The following CNTN3 variants were observed in gnomAD, a reference collection of about 807,000 sequenced individuals.
CNTN3 encodes the protein contactin 3, also known as contactin-3.
Under a neutral mutation model 119.1 loss-of-function variants are expected in CNTN3, and 60 were observed. The ratio of observed to expected loss-of-function variants is 0.50; its 90% CI spans 0.41 to 0.62. CNTN3 has a LOEUF of 0.62. Among genes scored for constraint, CNTN3 ranks in the 20% least tolerant of loss-of-function variants. The pLI is 0.00. For missense variants in CNTN3, 1,101 were observed against 1,242.4 expected (o/e 0.89, Z 1.71); for synonymous variants, 450 against 438.7 (o/e 1.03, Z -0.32).
chr3:74,473,561 T>C (rs1559621165), intron 4 of CNTN3, among the ~76,000 whole-genome samples: 1 of 152,216 alleles, frequency 6.6e-6, no homozygotes, highest in East Asian at 1.9e-4. Context: ...ATTTCATTTA[T>C]TGAACAAATA....
At chr3:74,581,393 AC>A (rs773569901) in intron 1 of CNTN3, among the ~76,000 whole-genome samples, 2 of 152,218 alleles carry the variant, frequency 1.3e-5, no homozygotes, top group Non-Finnish European at 2.9e-5. Context: ...GCATATAAAA[AC>A]ATCACATAAC....
intron 11 of CNTN3, among the ~76,000 whole-genome samples, chr3:74,344,396 GGTTTTTTTTTTTTTTTTTTTTTTTTTT>G (rs1465504752): frequency 0.065 from 5,707 of 87,660 alleles, 960 homozygotes; most frequent in African/African-American, 0.15. Flanking sequence ...CTTACACAGT[GGTTTTTTTTTTTTTTTTTTTTTTTTTT>G]TTTTTTTTTT....
intron 1 of CNTN3, among the ~76,000 whole-genome samples, chr3:74,549,885 G>T (rs919783769): frequency 1.3e-5 from 2 of 152,170 alleles, no homozygotes; most frequent in African/African-American, 4.8e-5. Flanking sequence ...ACGCCCTCAG[G>T]GTCCTGGAAC....
chr3:74,424,896 G>T lies in CNTN3; in HGVS notation c.403C>A (p.Arg135Ser). 6.2e-7 allele frequency: 1 copy of T among 1,613,466 alleles called. No homozygotes were observed. The highest frequency in any genetic ancestry group is 1.1e-5 in the South Asian group (1 of 90,996). Residue 135 changes from arginine (R) to serine (S), a missense_variant, in exon 5 of 23, where the codon CGT becomes AGT. Physicochemically the swap from Arg to Ser is moderately radical, Grantham distance 110. Transcript: ENST00000263665. ...KTKMRSTVSV[R>S]EGQGVVLLCG... is the part of the protein sequence containing the mutation. Reference sequence around the variant, plus strand: ...AGCAGCACAACTCCCTGGCCTTCACGCACAGACACTGTACTCCTCATTTTG... The same window carrying T: ...AGCAGCACAACTCCCTGGCCTTCACTCACAGACACTGTACTCCTCATTTTG...
chr3:74,522,013 A>G (rs1703550271), intron 1 of CNTN3, among the ~76,000 whole-genome samples: 1 of 151,966 alleles, frequency 6.6e-6, no homozygotes, highest in Admixed American at 6.6e-5. Flanking sequence ...TCTCTGATTC[A>G]GCAGCTGCTA....
chr3:74,303,099 T>G (rs976164840), intron 13 of CNTN3, among the ~76,000 whole-genome samples: 5 of 152,208 alleles, frequency 3.3e-5, no homozygotes, highest in Admixed American at 3.3e-4. Context: ...TCAGAGTCTA[T>G]TTACTTGCAC....
intron 1 of CNTN3, among the ~76,000 whole-genome samples, chr3:74,521,425 A>G (rs1471347972): frequency 6.6e-6 from 1 of 151,014 alleles, no homozygotes; most frequent in Non-Finnish European, 1.5e-5. Context: ...ATGTTTACCA[A>G]TATTAAAATA....
intron 5 of CNTN3, among the ~76,000 whole-genome samples, chr3:74,374,850 T>C (rs1232529797): frequency 1.3e-5 from 2 of 152,142 alleles, no homozygotes; most frequent in African/African-American, 2.4e-5. Flanking sequence ...TCAGGCAAAT[T>C]AGGAGGTCTA....
chr3:74,577,191 T>C (rs907796476), intron 1 of CNTN3, among the ~76,000 whole-genome samples: 3 of 152,158 alleles, frequency 2.0e-5, no homozygotes, highest in Non-Finnish European at 2.9e-5. Context: ...GCCAAAGATG[T>C]TTTAGATGAA....
intron 3 of CNTN3, among the ~76,000 whole-genome samples, chr3:74,496,817 A>G (rs1341032709): frequency 1.3e-5 from 2 of 151,864 alleles, no homozygotes; most frequent in Non-Finnish European, 2.9e-5. Context: ...AAAATCCTCA[A>G]TTAAACCCTA....
intron 5 of CNTN3, among the ~76,000 whole-genome samples, chr3:74,376,597 T>C (rs1048372536): frequency 4.6e-5 from 7 of 152,096 alleles, no homozygotes; most frequent in African/African-American, 1.4e-4. Context: ...TTACAGTGAG[T>C]TGTATAATTA....
In CNTN3 at chr3:74,509,596, C is replaced by G. The variant is rs184012015; in HGVS notation, c.56-9811G>C. ...AGGCATGAGCCACTGTGCCCGGCTT[C>G]CTTTTAATTCCTATTGCTTTCCTTA... On this transcript the variant is annotated intron_variant, in intron 2 of 22. Coordinates refer to ENST00000263665, the MANE Select transcript of CNTN3 (RefSeq NM_020872.3). Among the ~76,000 whole-genome samples the G allele has an allele frequency of 5.0e-3, 754 of 152,242 alleles. 5 individuals are homozygous for G. The highest frequency in any genetic ancestry group is 5.0e-3 in the Non-Finnish European group (339 of 68,006).
In CNTN3 at chr3:74,301,416, C is replaced by G; in HGVS notation, c.2077G>C (p.Val693Leu). ...CACTAACCTGCCTCTTCAGTTCTTA[C>G]TTTTTCTGAGGGTAAACTTGGTTCT... ...GGEPSLPSEK[V>L]RTEEAVPEVP... The change falls in exon 16 of 23, where the codon GTA becomes CTA. Residue 693 changes from valine to leucine, a missense_variant. Physicochemically the swap from Val to Leu is conservative, Grantham distance 32 (BLOSUM62 1). Coordinates refer to ENST00000263665, the MANE Select transcript of CNTN3 (RefSeq NM_020872.3). 6.2e-7 allele frequency: 1 copy of G among 1,614,008 alleles called. No individual in the cohort carries two copies. Among genetic ancestry groups the G allele is most frequent in the East Asian group, 2.2e-5 (1 of 44,876 alleles).
At chr3:74,512,168 A>G (rs961254006) in intron 2 of CNTN3, among the ~76,000 whole-genome samples, 1 of 152,194 alleles carries the variant, frequency 6.6e-6, no homozygotes. Flanking sequence ...TTAGCATTGC[A>G]TCAAACTTTT....
intron 11 of CNTN3, among the ~76,000 whole-genome samples, chr3:74,343,263 AT>A: frequency 6.6e-6 from 1 of 152,214 alleles, no homozygotes; most frequent in African/African-American, 2.4e-5. Context: ...GGCAAGCCCC[AT>A]TATTGCGTGG....
At chr3:74,535,245 C>G (rs1028628045) in intron 1 of CNTN3, among the ~76,000 whole-genome samples, 8 of 151,992 alleles carry the variant, frequency 5.3e-5, no homozygotes, top group Admixed American at 2.0e-4. Context: ...GCTTAGAATT[C>G]ACACCTATTA....
rs781120970 is a variant in CNTN3 at position 74,365,692 on chromosome 3, A to T, written c.957T>A (p.His319Gln). 6.2e-7 allele frequency: 1 copy of T among 1,609,876 alleles called. No individual in the cohort carries two copies. Among genetic ancestry groups the T allele is most frequent in the Admixed American group, 1.7e-5 (1 of 59,500 alleles). The change falls in exon 9 of 23, where the codon CAT becomes CAA. Residue 319 changes from histidine to glutamine, a missense_variant. His to Gln is a conservative substitution (Grantham distance 24). Coordinates refer to ENST00000263665, the MANE Select transcript of CNTN3 (RefSeq NM_020872.3). The part of the protein sequence containing the change: ...RGRLTYYAKP[H>Q]WVQLIKDVEI... ...CCACATCCTTTATGAGTTGAACCCA[A>T]TGGGGCTTTGCTTCAATGAAAGAAA...
chr3:74,449,148 T>C (rs1702101214), intron 4 of CNTN3, among the ~76,000 whole-genome samples: 1 of 151,956 alleles, frequency 6.6e-6, no homozygotes, highest in South Asian at 2.1e-4. Flanking sequence ...TAAAGAAATA[T>C]CTAAGTATTA....
At chr3:74,587,601 A>G (rs974949115) in intron 1 of CNTN3, among the ~76,000 whole-genome samples, 3 of 152,110 alleles carry the variant, frequency 2.0e-5, no homozygotes, top group Admixed American at 1.3e-4. Context: ...AACCTGTTGT[A>G]CTGATACATG....
Sources: gnomAD v4.1 joint callset for allele counts (sites outside exome capture counted in the v4.1 genomes callset) on GRCh38, gnomAD v4.1.1 for gene constraint, MANE v1.5 for transcripts, NCBI Gene and HGNC (gene_info 2026-07-23, HGNC 2026-07-21) for gene names.